Variants in WIPF3 observed in about 807,000 individuals in gnomAD.
The protein encoded by WIPF3 is WAS/WASL-interacting protein family member 3.
Under a neutral mutation model 38.9 loss-of-function variants are expected in WIPF3, and 33 were observed. That is an observed-to-expected ratio of 0.85 (90% CI 0.64 to 1.14). The LOEUF (loss-of-function observed/expected upper bound fraction) is 1.14, where lower values mean the gene tolerates loss of function less well. WIPF3 is among the 50% of genes most tolerant of loss of function. The probability of loss-of-function intolerance (pLI) is 0.00; values close to 1 mark genes in which losing one functional copy is unlikely to be tolerated. For synonymous variants in WIPF3, 324 were observed against 269.3 expected (o/e 1.20, Z -1.99); for missense variants, 711 against 652.5 (o/e 1.09, Z -0.98).
chr7:29,892,710 C>T (rs1418363986), intron 7 of WIPF3, among the ~76,000 whole-genome samples: 3 of 152,220 alleles, frequency 2.0e-5, no homozygotes, highest in African/African-American at 7.2e-5. Context: ...GTGGTGAACT[C>T]TGAGAACGGA....
chr7:29,905,922 T>G (rs1786388081), intron 8 of WIPF3: 2 of 152,094 alleles, frequency 1.3e-5, no homozygotes, highest in Admixed American at 6.6e-5. Context: ...TGACCACATA[T>G]GCCCAGGGAA....
At position 29,884,481 on chromosome 7, in the gene WIPF3, A is replaced by G; in HGVS notation, c.987A>G (p.Lys329=). 1 of 1,542,850 alleles carries G rather than the reference A, an allele frequency of 6.5e-7. No individual in the cohort carries two copies. Among genetic ancestry groups the G allele is most frequent in the South Asian group, 1.2e-5 (1 of 84,262 alleles). ...SSETPPPLPP[K]SPSFQAPPQK... ...AAACTCCACCCCCGCTACCCCCTAA[A>G]TCCCCCAGCTTCCAGGCCCCACCGC... The change falls in exon 5 of 9, where the codon AAA becomes AAG. Residue 329 remains lysine, a synonymous_variant. Coordinates refer to ENST00000242140, the MANE Select transcript of WIPF3 (RefSeq NM_001080529.3).
chr7:29,827,236 C>T (rs1784630046), intron 1 of WIPF3, among the ~76,000 whole-genome samples: 1 of 152,098 alleles, frequency 6.6e-6, no homozygotes, highest in African/African-American at 2.4e-5. Flanking sequence ...TTTTTTATAT[C>T]ATTGAGAAGA....
intron 1 of WIPF3, among the ~76,000 whole-genome samples, chr7:29,807,773 G>GC (rs1408992415): frequency 3.9e-5 from 6 of 152,204 alleles, no homozygotes; most frequent in Admixed American, 2.6e-4. Flanking sequence ...CTGTCTCTTC[G>GC]CCTCTGTGCC....
At chr7:29,847,572 C>A (rs1371358073) in intron 2 of WIPF3, among the ~76,000 whole-genome samples, 2 of 152,116 alleles carry the variant, frequency 1.3e-5, no homozygotes, top group Non-Finnish European at 2.9e-5. Flanking sequence ...TATGATTAGA[C>A]AAAGAGGGTA....
intron 2 of WIPF3, among the ~76,000 whole-genome samples, chr7:29,836,156 G>A (rs1439552331): frequency 6.6e-6 from 1 of 152,198 alleles, no homozygotes; most frequent in Non-Finnish European, 1.5e-5. Context: ...AATAGGAATA[G>A]GTATTGAAGT....
chr7:29,822,123 G>GTTTTTTTT, intron 1 of WIPF3, among the ~76,000 whole-genome samples: 31 of 62,824 alleles, frequency 4.9e-4, no homozygotes, highest in Non-Finnish European at 6.1e-4. Context: ...TTTTTTCTTA[G>GTTTTTTTT]TTTTTTTTTT....
intron 1 of WIPF3, among the ~76,000 whole-genome samples, chr7:29,819,792 A>G (rs1282628855): frequency 3.3e-5 from 5 of 152,034 alleles, no homozygotes; most frequent in African/African-American, 1.2e-4. Flanking sequence ...ATAAAGTTTA[A>G]AAGTTTCTAA....
chr7:29,893,521 C>T (rs983248714), intron 7 of WIPF3, among the ~76,000 whole-genome samples: 7 of 152,182 alleles, frequency 4.6e-5, no homozygotes, highest in Admixed American at 2.6e-4. Flanking sequence ...AGGGTCAACT[C>T]AGTCCCTCCC....
intron 1 of WIPF3, among the ~76,000 whole-genome samples, chr7:29,825,146 A>C (rs2128063585): frequency 6.6e-6 from 1 of 152,344 alleles, no homozygotes; most frequent in Admixed American, 6.5e-5. Flanking sequence ...AGAGGTGGTC[A>C]TTCATTTTGT....
chr7:29,896,186 A>G (rs774963816), intron 7 of WIPF3, among the ~76,000 whole-genome samples: 14 of 152,186 alleles, frequency 9.2e-5, no homozygotes, highest in Non-Finnish European at 1.8e-4. Context: ...GTGTGCTCCT[A>G]TAGTCTCAGC....
intron 1 of WIPF3, among the ~76,000 whole-genome samples, chr7:29,807,079 G>A (rs1404419715): frequency 6.6e-6 from 1 of 152,108 alleles, no homozygotes; most frequent in Non-Finnish European, 1.5e-5. Flanking sequence ...CTTCGCCCCC[G>A]GAACAAAAGG....
chr7:29,852,102 A>T (rs367600083), intron 2 of WIPF3, among the ~76,000 whole-genome samples: 13 of 152,308 alleles, frequency 8.5e-5, no homozygotes, highest in African/African-American at 2.9e-4. Flanking sequence ...ACTGGACTCA[A>T]GCAGTCCTCC....
In WIPF3 at chr7:29,838,915, G is replaced by A. The variant is rs142500346; in HGVS notation, c.90+4101G>A. ...ATGAATCAACAATACATGCAACAAT[G>A]TGGAGGAATAGCCACGTGACAAAAG... is the stretch of plus-strand genomic sequence containing the variant. On this transcript the variant is annotated intron_variant, in intron 2 of 8. Coordinates refer to ENST00000242140, the MANE Select transcript of WIPF3 (RefSeq NM_001080529.3). 7.7e-4 allele frequency among the ~76,000 whole-genome samples: 117 copies of A among 152,314 alleles called. No homozygotes were observed. The East Asian group carries it at 0.019, about 25-fold the overall frequency.
chr7:29,879,075 C>T lies in WIPF3; in HGVS notation c.290C>T (p.Thr97Ile). The T allele has an allele frequency of 3.7e-6, 6 of 1,611,310 alleles. No homozygotes were observed. The highest frequency in any genetic ancestry group is 5.1e-6 in the Non-Finnish European group (6 of 1,178,652). Residue 97 changes from threonine to isoleucine, a missense_variant, in exon 4 of 9, where the codon ACC becomes ATC. Thr to Ile is a moderately conservative substitution (Grantham distance 89). Transcript: ENST00000242140. ...ANTRGASTPP[T>I]LGDLFAGGFP... ...ACACGAGGCGCGAGCACACCTCCCA[C>T]CCTGGGAGATCTGTTTGCTGGTGGC...
At chr7:29,813,942 A>G (rs550131780) in intron 1 of WIPF3, among the ~76,000 whole-genome samples, 150 of 148,264 alleles carry the variant, frequency 1.0e-3, no homozygotes, top group Middle Eastern at 3.5e-3. Context: ...TTTTTTTGAG[A>G]CAGGGTTTCG....
At chr7:29,813,804 G>A (rs778519930) in intron 1 of WIPF3, among the ~76,000 whole-genome samples, 6 of 152,190 alleles carry the variant, frequency 3.9e-5, no homozygotes, top group East Asian at 3.9e-4. Context: ...GAAGAAACCC[G>A]TTAATAGTCG....
intron 1 of WIPF3, among the ~76,000 whole-genome samples, chr7:29,830,011 G>A (rs932192319): frequency 6.6e-6 from 1 of 152,024 alleles, no homozygotes; most frequent in African/African-American, 2.4e-5. Flanking sequence ...GAGCTCTTGC[G>A]TGCAGCCCCT....
chr7:29,830,181 T>G (rs1004656310), intron 1 of WIPF3, among the ~76,000 whole-genome samples: 9 of 151,622 alleles, frequency 5.9e-5, no homozygotes, highest in African/African-American at 2.2e-4. Flanking sequence ...AATCCTTGCC[T>G]GTGACTTCAG....
Sources: gnomAD v4.1 joint callset for allele counts (sites outside exome capture counted in the v4.1 genomes callset) on GRCh38, gnomAD v4.1.1 for gene constraint, MANE v1.5 for transcripts, NCBI Gene and HGNC (gene_info 2026-07-23, HGNC 2026-07-21) for gene names.